The following RABL3 variants were observed in gnomAD, a reference collection of about 807,000 sequenced individuals.
RABL3 encodes rab-like protein 3.
A neutral mutation model predicts 31.8 loss-of-function variants in RABL3; 31 were observed. The ratio of observed to expected loss-of-function variants is 0.97; its 90% CI spans 0.73 to 1.31. The LOEUF is 1.31. Ranked by LOEUF, RABL3 falls within the 40% of genes most tolerant of loss-of-function variation. The probability of loss-of-function intolerance (pLI) is 0.00; values close to 1 mark genes in which losing one functional copy is unlikely to be tolerated. For missense variants in RABL3, 263 were observed against 279.6 expected, an observed-to-expected ratio of 0.94 and a Z score of 0.42; for synonymous variants, 97 against 99.9, an observed-to-expected ratio of 0.97 and a Z score of 0.18.
chr3:120,689,997 A>C, intron 7 of RABL3, 109 bp from the exon 8 acceptor site: 1 of 814,822 alleles, frequency 1.2e-6, no homozygotes, highest in Non-Finnish European at 2.0e-6. Context: ...GCTGTTTCTT[A>C]AAAAAACAAC....
At chr3:120,723,054 C>T (rs534342853) in intron 2 of RABL3, among the ~76,000 whole-genome samples, 1 of 151,736 alleles carries the variant, frequency 6.6e-6, no homozygotes, top group Non-Finnish European at 1.5e-5. Context: ...CCGCTAGCAA[C>T]ACTAATGAAG....
intron 2 of RABL3, among the ~76,000 whole-genome samples, 173 bp downstream of exon 2, chr3:120,730,523 G>A (rs189007993): frequency 6.6e-6 from 1 of 152,144 alleles, no homozygotes; most frequent in Non-Finnish European, 1.5e-5. Flanking sequence ...TTAAAAAGGT[G>A]AAATAAGAAG....
intron 5 of RABL3, among the ~76,000 whole-genome samples, chr3:120,695,398 G>A (rs1452851455): frequency 6.6e-6 from 1 of 152,102 alleles, no homozygotes; most frequent in Non-Finnish European, 1.5e-5. Flanking sequence ...TTTCTACTCT[G>A]TGTAACACTG....
chr3:120,689,892 T>C lies in RABL3; in HGVS notation c.646-4A>G. On this transcript the variant is annotated splice_region_variant and splice_polypyrimidine_tract_variant and intron_variant, in intron 7 of 7. Coordinates refer to ENST00000273375, the MANE Select transcript of RABL3 (RefSeq NM_173825.5). ...TCCGATCAGGAAAGCCTGGAATCTG[T>C]AGGCAAGAAAGATAATTGCATTAAG... The C allele has an allele frequency of 6.2e-7, 1 of 1,610,362 alleles. No individual in the cohort carries two copies. The highest frequency in any genetic ancestry group is 1.1e-5 in the South Asian group (1 of 90,956).
intron 2 of RABL3, among the ~76,000 whole-genome samples, chr3:120,729,763 C>T (rs945310276): frequency 2.0e-5 from 3 of 151,684 alleles, no homozygotes; most frequent in Admixed American, 6.6e-5. Flanking sequence ...CAGAAGGCAG[C>T]AAGGAGAAAT....
At chr3:120,690,223 T>C (rs1708363485) in intron 7 of RABL3, among the ~76,000 whole-genome samples, 1 of 152,212 alleles carries the variant, frequency 6.6e-6, no homozygotes, top group African/African-American at 2.4e-5. Flanking sequence ...TATTTTCTTC[T>C]TCTATTTTAT....
intron 7 of RABL3, 143 bp downstream of exon 7, chr3:120,690,306 T>C: frequency 1.6e-6 from 1 of 636,968 alleles, no homozygotes; most frequent in Non-Finnish European, 2.8e-6. Context: ...TTTCTCCTTT[T>C]GTATTTAACA....
At chr3:120,737,008 G>A (rs372793226) in intron 1 of RABL3, among the ~76,000 whole-genome samples, 2 of 152,130 alleles carry the variant, frequency 1.3e-5, no homozygotes, top group Non-Finnish European at 2.9e-5. Flanking sequence ...ATGTCTTGGA[G>A]TTGCTCCTCT....
rs143847780 is a variant in RABL3 at position 120,696,126 on chromosome 3, C to T, written c.535-1902G>A. Among the ~76,000 whole-genome samples the T allele has an allele frequency of 4.0e-3, 611 of 152,246 alleles. 8 individuals are homozygous for T. Among genetic ancestry groups the T allele is most frequent in the African/African-American group, 0.014 (585 of 41,558 alleles). On this transcript the variant is annotated intron_variant, in intron 5 of 7. Coordinates refer to ENST00000273375, the MANE Select transcript of RABL3 (RefSeq NM_173825.5). Reference sequence around the variant, plus strand: ...TTTTTACAGGGTACAATAAGCCTAACAGGATTTTAGAAAATAAGTAATGGT... The same window carrying T: ...TTTTTACAGGGTACAATAAGCCTAATAGGATTTTAGAAAATAAGTAATGGT...
In RABL3 at chr3:120,690,320, T is replaced by C. The variant is rs973278554; in HGVS notation, c.645+129A>G. The C allele has an allele frequency of 1.6e-5, 11 of 673,558 alleles. No homozygotes were observed. The African/African-American group carries it at 1.8e-4, about 11-fold the overall frequency. 41.7% of individuals were successfully genotyped at this position (673,558 alleles called of 1,614,324 possible). On this transcript the variant is annotated intron_variant, in intron 7 of 7. Coordinates refer to ENST00000273375, the MANE Select transcript of RABL3 (RefSeq NM_173825.5). ...TTTTCTCCTTTTGTATTTAACAGGA[T>C]AGAAGGAAATCAGTTGCTTGTGCCT...
In RABL3 at chr3:120,686,614, G is replaced by A. The variant is rs1378479696; in HGVS notation, c.*3209C>T. The A allele has an allele frequency of 1.3e-5, 2 of 152,116 alleles. No homozygotes were observed. Among genetic ancestry groups the A allele is most frequent in the Non-Finnish European group, 2.9e-5 (2 of 68,014 alleles). The allele number at this position is 152,116 out of a possible 1,614,324, so 9.4% of individuals were successfully genotyped here. A position where few individuals can be genotyped will look rare whatever the true frequency, so the allele number is the denominator to read the frequency against. ...ATAGCTTTTCTTAGAGCACTGTAGC[G>A]GAGAAGAGCTTTCTTTCTTCACCCA... On this transcript the variant is annotated 3_prime_UTR_variant, in exon 8 of 8. Transcript: ENST00000273375.
In RABL3 at chr3:120,725,335, C is replaced by T. The variant is rs1014340468; in HGVS notation, c.138+5361G>A. Among the ~76,000 whole-genome samples, 39 of 152,222 alleles carry T rather than the reference C, an allele frequency of 2.6e-4. No individual in the cohort carries two copies. In the South Asian group the frequency reaches 6.6e-3, roughly 26 times the overall value. On this transcript the variant is annotated intron_variant, in intron 2 of 7. Transcript: ENST00000273375. ...AGGATGTGGAGAAATAGGAACACTT[C>T]TACACTGTTGGTGGAACTGTAAACT...
chr3:120,722,423 A>G (rs1708756464), intron 2 of RABL3: 1 of 152,226 alleles, frequency 6.6e-6, no homozygotes, highest in Non-Finnish European at 1.5e-5. Flanking sequence ...TAACTTTGTC[A>G]AAGTTAAGTT....
At chr3:120,742,281 A>C (rs750895579) in intron 1 of RABL3, among the ~76,000 whole-genome samples, 181 bp downstream of exon 1, 78 of 151,806 alleles carry the variant, frequency 5.1e-4, no homozygotes, top group African/African-American at 1.4e-3. Context: ...CCGCGCGACG[A>C]CGCCGCCGCC....
chr3:120,695,688 AT>A (rs1484707120), intron 5 of RABL3, among the ~76,000 whole-genome samples: 1 of 152,196 alleles, frequency 6.6e-6, no homozygotes, highest in Non-Finnish European at 1.5e-5. Flanking sequence ...GTTTGAACAC[AT>A]TTCTACAGCA....
intron 1 of RABL3, among the ~76,000 whole-genome samples, chr3:120,736,872 C>T (rs1708973582): frequency 6.6e-6 from 1 of 152,242 alleles, no homozygotes; most frequent in Non-Finnish European, 1.5e-5. Flanking sequence ...TCACTCTCTT[C>T]TGGTTTGTAG....
chr3:120,711,296 C>G, intron 2 of RABL3, among the ~76,000 whole-genome samples: 1 of 152,102 alleles, frequency 6.6e-6, no homozygotes, highest in East Asian at 1.9e-4. Context: ...TAAGACTGAT[C>G]CTTGACTCCT....
chr3:120,704,733 T>C (rs1326707157), intron 4 of RABL3, among the ~76,000 whole-genome samples: 1 of 152,076 alleles, frequency 6.6e-6, no homozygotes, highest in Non-Finnish European at 1.5e-5. Context: ...CAATGGAAAA[T>C]TTGAAACTGA....
chr3:120,727,465 C>T (rs1250247609), intron 2 of RABL3, among the ~76,000 whole-genome samples: 3 of 151,706 alleles, frequency 2.0e-5, no homozygotes, highest in South Asian at 2.1e-4. Flanking sequence ...AAAAACTTCC[C>T]GCAAAGAAAA....
Sources: allele counts gnomAD v4.1 joint callset (sites outside exome capture counted in the v4.1 genomes callset), GRCh38; gene constraint gnomAD v4.1.1; transcripts MANE v1.5; gene names NCBI Gene and HGNC (gene_info 2026-07-23, HGNC 2026-07-21).